ACAT1: variants seen among roughly 807,000 people sequenced by gnomAD.
ACAT1 encodes the protein acetyl-CoA acetyltransferase, mitochondrial.
Under a neutral mutation model 47.3 loss-of-function variants are expected in ACAT1, and 28 were observed. The observed-to-expected ratio is 0.59, with a 90% confidence interval of 0.44 to 0.81. The LOEUF is 0.81. Ranked by LOEUF, ACAT1 falls within the 30% of genes least tolerant of loss-of-function variation. The pLI is 0.00. For missense variants in ACAT1, 469 were observed against 524.3 expected, an observed-to-expected ratio of 0.89 and a Z score of 1.03; for synonymous variants, 181 against 173.6, an observed-to-expected ratio of 1.04 and a Z score of -0.34.
At chr11:108,123,729 G>A (rs1371659278) in intron 1 of ACAT1, among the ~76,000 whole-genome samples, 1 of 151,586 alleles carries the variant, frequency 6.6e-6, no homozygotes, top group Non-Finnish European at 1.5e-5. Flanking sequence ...TTGTAGACAC[G>A]GGGTCTGGTT....
At chr11:108,139,093 AT>A (rs1728614366) in intron 6 of ACAT1, 52 bp downstream of exon 6, 1 of 1,604,590 alleles carries the variant, frequency 6.2e-7, no homozygotes, top group Non-Finnish European at 8.5e-7. Flanking sequence ...ATACTGTTTG[AT>A]TTTTCTTACT....
chr11:108,118,027 T>C (rs1864984812), upstream of ACAT1, among the ~76,000 whole-genome samples: 1 of 152,112 alleles, frequency 6.6e-6, no homozygotes, highest in African/African-American at 2.4e-5. Context: ...ACTTTTTGAG[T>C]AGCTCTTCAT....
intron 6 of ACAT1, among the ~76,000 whole-genome samples, chr11:108,139,652 A>T (rs141632921): frequency 3.9e-5 from 6 of 151,904 alleles, no homozygotes; most frequent in Non-Finnish European, 8.8e-5. Flanking sequence ...GTGTGTGTGT[A>T]TATATATATG....
At position 108,134,254 on chromosome 11, in the gene ACAT1, TGG is replaced by T; in HGVS notation, c.274_275del (p.Gly92Ter). 2 of 1,612,976 alleles carry T rather than the reference TGG, an allele frequency of 1.2e-6. No homozygotes were observed. The highest frequency in any genetic ancestry group is 1.7e-6 in the Non-Finnish European group (2 of 1,179,554). On this transcript the variant is annotated frameshift_variant, in exon 4 of 12. Coordinates refer to ENST00000265838, the MANE Select transcript of ACAT1 (RefSeq NM_000019.4). LOFTEE classifies it high-confidence loss of function. ...AAAGAAGAAGTGAAAGAAGCATACA[TGG>T]GTAATGTTCTACAAGGAGGTGAAGG...
At chr11:108,123,190 A>C (rs2077183446) in intron 1 of ACAT1, among the ~76,000 whole-genome samples, 1 of 152,116 alleles carries the variant, frequency 6.6e-6, no homozygotes, top group Non-Finnish European at 1.5e-5. Flanking sequence ...GTGAGCTGAG[A>C]TCATGCCACT....
At chr11:108,128,022 G>A (rs533989885) in intron 1 of ACAT1, 21 of 152,294 alleles carry the variant, frequency 1.4e-4, no homozygotes, top group African/African-American at 4.8e-4. Flanking sequence ...AACAAACAAA[G>A]AATACTGAGC....
At chr11:108,121,059 G>T (rs1482342989), upstream of ACAT1, among the ~76,000 whole-genome samples, 2 of 152,150 alleles carry the variant, frequency 1.3e-5, no homozygotes, top group Non-Finnish European at 2.9e-5. Flanking sequence ...AAATTATCTG[G>T]TTGTGGAGGC....
intron 1 of ACAT1, among the ~76,000 whole-genome samples, chr11:108,129,682 CT>C (rs1193648349): frequency 6.6e-6 from 1 of 152,040 alleles, no homozygotes; most frequent in Non-Finnish European, 1.5e-5. Flanking sequence ...ATAATGACTT[CT>C]TTTCCTCTGG....
At chr11:108,119,191 T>G (rs938043859), upstream of ACAT1, among the ~76,000 whole-genome samples, 1 of 152,104 alleles carries the variant, frequency 6.6e-6, no homozygotes, top group African/African-American at 2.4e-5. Context: ...CATAGCTATG[T>G]AACCAGTCTT....
intron 3 of ACAT1, 83 bp from the exon 4 acceptor site, chr11:108,134,138 G>A: frequency 7.5e-7 from 1 of 1,326,822 alleles, no homozygotes; most frequent in Non-Finnish European, 1.1e-6. Flanking sequence ...TTCCTATTGT[G>A]TAATGTCACC....
chr11:108,145,780 C>A (rs55788757), intron 10 of ACAT1, among the ~76,000 whole-genome samples: 16,323 of 152,232 alleles, frequency 0.11, 1,225 homozygotes, highest in Non-Finnish European at 0.15. Flanking sequence ...TGCGGTGGCT[C>A]ACGCCTGTAA....
intron 2 of ACAT1, among the ~76,000 whole-genome samples, chr11:108,132,583 G>A (rs867429639): frequency 7.9e-5 from 12 of 152,100 alleles, no homozygotes; most frequent in African/African-American, 1.2e-4. Flanking sequence ...GGCCGGGTGC[G>A]GTGGCTCACA....
chr11:108,119,010 C>G (rs954774739), upstream of ACAT1, among the ~76,000 whole-genome samples: 1 of 152,172 alleles, frequency 6.6e-6, no homozygotes, highest in Non-Finnish European at 1.5e-5. Flanking sequence ...AAGCCTAGAC[C>G]TAGCAACCAG....
At position 108,131,372 on chromosome 11, in the gene ACAT1, T is replaced by TTTTTTTTTTTTTTTTTTTTTTTTTTA. The variant is rs1555031491; in HGVS notation, c.73-535_73-534insTTTTTTTTTTTTTTTTTTTTTTTTTA. 2.1e-5 allele frequency among the ~76,000 whole-genome samples: 3 copies of TTTTTTTTTTTTTTTTTTTTTTTTTTA among 142,360 alleles called. 1 individual carries two copies. Among genetic ancestry groups the TTTTTTTTTTTTTTTTTTTTTTTTTTA allele is most frequent in the Non-Finnish European group, 4.6e-5 (3 of 65,714 alleles). 93.4% of individuals were successfully genotyped at this position (142,360 alleles called of 152,430 possible). On this transcript the variant is annotated intron_variant, in intron 1 of 11. Coordinates refer to ENST00000265838, the MANE Select transcript of ACAT1 (RefSeq NM_000019.4). The stretch of plus-strand genomic sequence containing the variant: ...ACTTGGAATTTTTTTTTTTTTTTTT[T>TTTTTTTTTTTTTTTTTTTTTTTTTTA]AGACAGTCTTGCTTTGTTGCCAAGG...
intron 8 of ACAT1, among the ~76,000 whole-genome samples, 190 bp downstream of exon 8, chr11:108,141,890 T>C (rs1285648341): frequency 6.6e-6 from 1 of 152,200 alleles, no homozygotes; most frequent in African/African-American, 2.4e-5. Flanking sequence ...AGGGAAGATA[T>C]GTATAACATG....
chr11:108,141,751 T>C, intron 8 of ACAT1, 51 bp downstream of exon 8: 1 of 1,264,268 alleles, frequency 7.9e-7, no homozygotes, highest in Non-Finnish European at 1.1e-6. Flanking sequence ...GTATACCATA[T>C]CTAGTTCTTA....
rs112219560 is a variant in ACAT1, at chr11:108,121,595, C to T, written c.-12C>T. ...CTACGCCTGTGGAGCCGATACTCAG[C>T]CCTCTGCGACCATGGCTGTGCTGGC... On this transcript the variant is annotated 5_prime_UTR_variant, in exon 1 of 12. Coordinates refer to ENST00000265838, the MANE Select transcript of ACAT1 (RefSeq NM_000019.4). The T allele has an allele frequency of 1.5e-5, 24 of 1,550,276 alleles. No individual in the cohort carries two copies. The highest frequency in any genetic ancestry group is 2.0e-5 in the Admixed American group (1 of 51,036).
At chr11:108,121,894 G>A in intron 1 of ACAT1, 1 of 597,754 alleles carries the variant, frequency 1.7e-6, no homozygotes, top group East Asian at 2.8e-5. Context: ...TACTTCCAAG[G>A]TCTCGGCGTA....
At chr11:108,126,988 T>C (rs570589387) in intron 1 of ACAT1, among the ~76,000 whole-genome samples, 1 of 151,842 alleles carries the variant, frequency 6.6e-6, no homozygotes, top group African/African-American at 2.4e-5. Flanking sequence ...TTTTATTTTT[T>C]TGTATTTTTG....
Sources: allele counts gnomAD v4.1 joint callset (sites outside exome capture counted in the v4.1 genomes callset), GRCh38; gene constraint gnomAD v4.1.1; transcripts MANE v1.5; gene names NCBI Gene and HGNC (gene_info 2026-07-23, HGNC 2026-07-21).